SESN1: variants seen among roughly 807,000 people sequenced by gnomAD.
SESN1 encodes the protein sestrin-1.
SESN1 carries 30 observed loss-of-function variants against 59.3 expected under a neutral mutation model. The observed-to-expected ratio is 0.51, with a 90% CI of 0.38 to 0.69. SESN1 has a LOEUF of 0.69. Among genes scored for constraint, SESN1 ranks in the 30% least tolerant of loss-of-function variants. The pLI is 0.00. For missense variants in SESN1, 566 were observed against 673.0 expected (o/e 0.84, Z 1.76); for synonymous variants, 197 against 219.9 (o/e 0.90, Z 0.92).
At chr6:108,992,996 T>C in intron 6 of SESN1, 97 bp from the exon 7 acceptor site, 4 of 725,500 alleles carry the variant, frequency 5.5e-6, no homozygotes, top group South Asian at 5.0e-5. Flanking sequence ...CTTTCTCTGA[T>C]ACTGAGTGAC....
chr6:109,013,464 T>C (rs1368151429), intron 1 of SESN1, among the ~76,000 whole-genome samples: 1 of 152,210 alleles, frequency 6.6e-6, no homozygotes, highest in Non-Finnish European at 1.5e-5. Flanking sequence ...AATCTCAGAT[T>C]ATCTGCTCTC....
chr6:109,040,657 CT>C (rs34916346), intron 1 of SESN1, among the ~76,000 whole-genome samples: 360 of 141,908 alleles, frequency 2.5e-3, no homozygotes, highest in Middle Eastern at 7.2e-3. Context: ...CTAGCATAAT[CT>C]TTTTTTTTTT....
At chr6:109,090,879 C>T (rs1007950036) in intron 1 of SESN1, among the ~76,000 whole-genome samples, 7 of 152,186 alleles carry the variant, frequency 4.6e-5, no homozygotes, top group African/African-American at 1.7e-4. Context: ...AAGCGATCCT[C>T]CTGCCTTAGC....
At chr6:109,048,973 C>T (rs1780497639) in intron 1 of SESN1, among the ~76,000 whole-genome samples, 2 of 152,174 alleles carry the variant, frequency 1.3e-5, no homozygotes, top group African/African-American at 4.8e-5. Context: ...GCAAGTCTCT[C>T]TAGGACTTAG....
intron 1 of SESN1, among the ~76,000 whole-genome samples, chr6:109,044,708 C>T (rs11153156): frequency 0.1 from 15,205 of 151,870 alleles, 927 homozygotes; most frequent in Middle Eastern, 0.19. Flanking sequence ...ACAGACATCT[C>T]GAATCAAAAA....
chr6:108,998,231 G>A (rs1319620340), intron 5 of SESN1, among the ~76,000 whole-genome samples: 5 of 152,134 alleles, frequency 3.3e-5, no homozygotes, highest in Admixed American at 6.5e-5. Flanking sequence ...TGGTCCTGAC[G>A]GGACACATGC....
At chr6:109,000,758 A>C in intron 3 of SESN1, 85 bp from the exon 4 acceptor site, 3 of 1,092,522 alleles carry the variant, frequency 2.7e-6, no homozygotes, top group Non-Finnish European at 3.6e-6. Context: ...AAAAGAGCTA[A>C]TTAAGTTTAT....
intron 8 of SESN1, 72 bp from the exon 9 acceptor site, chr6:108,988,759 C>A: frequency 8.1e-7 from 1 of 1,228,256 alleles, no homozygotes; most frequent in South Asian, 1.6e-5. Flanking sequence ...AAAGTATACA[C>A]ATCAATAGTT....
intron 1 of SESN1, among the ~76,000 whole-genome samples, chr6:109,033,785 C>T (rs867827027): frequency 1.3e-5 from 2 of 152,124 alleles, no homozygotes; most frequent in South Asian, 4.1e-4. Context: ...GCCATCTGGA[C>T]AGAAGAAATA....
chr6:108,989,515 A>G (rs559728410), intron 8 of SESN1, among the ~76,000 whole-genome samples: 1,910 of 143,952 alleles, frequency 0.013, 14 homozygotes, highest in South Asian at 0.029. Context: ...CTATATATAT[A>G]TAGAGAGATA....
rs894941206 is a variant in SESN1 at position 108,986,818 on chromosome 6, A to C, written c.*726T>G. 14 of 152,248 alleles carry C rather than the reference A, an allele frequency of 9.2e-5. No individual in the cohort carries two copies. Among genetic ancestry groups the C allele is most frequent in the African/African-American group, 3.1e-4 (13 of 41,466 alleles). 9.4% of individuals were successfully genotyped at this position (152,248 alleles called of 1,614,324 possible). On this transcript the variant is annotated 3_prime_UTR_variant, in exon 10 of 10. Transcript: ENST00000436639. ...TGAAACAGCATATCAAAAGATCGCCAGCTTCTTATAATTTACACACTTTCA... is the reference window on the plus strand; with the variant it reads ...TGAAACAGCATATCAAAAGATCGCCCGCTTCTTATAATTTACACACTTTCA...
chr6:109,000,404 G>A, intron 4 of SESN1, 87 bp downstream of exon 4: 1 of 1,032,946 alleles, frequency 9.7e-7, no homozygotes, highest in African/African-American at 1.6e-5. Context: ...GGAACTCTCT[G>A]TACTTTCTGT....
At chr6:109,020,948 T>C (rs888897921) in intron 1 of SESN1, among the ~76,000 whole-genome samples, 3 of 152,198 alleles carry the variant, frequency 2.0e-5, no homozygotes, top group African/African-American at 4.8e-5. Context: ...GTAGAACAGT[T>C]TGCTTTGTCA....
At chr6:109,081,605 CTTT>C (rs1186982119) in intron 1 of SESN1, among the ~76,000 whole-genome samples, 1 of 152,156 alleles carries the variant, frequency 6.6e-6, no homozygotes, top group Non-Finnish European at 1.5e-5. Context: ...GCTAATGGCT[CTTT>C]AAGACAACTT....
At chr6:109,093,370 T>C (rs1465117646) in intron 1 of SESN1, among the ~76,000 whole-genome samples, 2 of 152,208 alleles carry the variant, frequency 1.3e-5, no homozygotes, top group Non-Finnish European at 2.9e-5. Flanking sequence ...TCCTGGTTTG[T>C]TTTGTTTTTA....
chr6:109,009,216 C>G, intron 1 of SESN1: 2 of 858,262 alleles, frequency 2.3e-6, no homozygotes, highest in South Asian at 6.7e-5. Flanking sequence ...CCCGGGAGCC[C>G]GCCCTATCTG....
intron 7 of SESN1, among the ~76,000 whole-genome samples, chr6:108,992,091 G>GC (rs1325950447): frequency 1.3e-5 from 2 of 151,446 alleles, no homozygotes; most frequent in Non-Finnish European, 2.9e-5. Flanking sequence ...CCTAAATTTT[G>GC]CCCCTTAGCT....
chr6:109,049,822 A>T (rs1780515086), intron 1 of SESN1, among the ~76,000 whole-genome samples: 1 of 151,794 alleles, frequency 6.6e-6, no homozygotes, highest in Non-Finnish European at 1.5e-5. Context: ...TTACCAAAAT[A>T]CCCTCTTTAA....
At chr6:109,015,733 G>C (rs1172210262) in intron 1 of SESN1, among the ~76,000 whole-genome samples, 2 of 152,120 alleles carry the variant, frequency 1.3e-5, no homozygotes, top group Admixed American at 6.5e-5. Context: ...GCTACTGAAG[G>C]TTTTAAAGAA....
Sources: gnomAD v4.1 joint callset for allele counts (sites outside exome capture counted in the v4.1 genomes callset) on GRCh38, gnomAD v4.1.1 for gene constraint, MANE v1.5 for transcripts, NCBI Gene and HGNC (gene_info 2026-07-23, HGNC 2026-07-21) for gene names.